Variants in CPT1C observed in about 807,000 individuals in gnomAD.
CPT1C encodes carnitine palmitoyltransferase 1C.
A neutral mutation model predicts 97.3 loss-of-function variants in CPT1C; 61 were observed. That is an observed-to-expected ratio of 0.63 (90% confidence interval 0.51 to 0.78). The LOEUF is 0.78. Ranked by LOEUF, CPT1C falls within the 30% of genes least tolerant of loss-of-function variation. The pLI, the probability that CPT1C is intolerant of heterozygous loss-of-function variation, is 0.00. For missense variants in CPT1C, 975 were observed against 1,065.5 expected, an observed-to-expected ratio of 0.92 and a Z score of 1.18; for synonymous variants, 469 against 447.2, an observed-to-expected ratio of 1.05 and a Z score of -0.61.
At chr19:49,696,341 A>T (rs927330305) in intron 3 of CPT1C, 3 of 152,196 alleles carry the variant, frequency 2.0e-5, no homozygotes, top group Admixed American at 6.6e-5. Flanking sequence ...TTTAGTTAGT[A>T]ACGCAGTGCT....
intron 14 of CPT1C, among the ~76,000 whole-genome samples, chr19:49,709,359 C>T (rs1378726641): frequency 6.6e-6 from 1 of 151,880 alleles, no homozygotes; most frequent in Non-Finnish European, 1.5e-5. Flanking sequence ...CACACCAACC[C>T]CATCCCGTAC....
At chr19:49,701,660 C>A (rs529044803) in intron 7 of CPT1C, 26 bp downstream of exon 7, 9 of 1,579,200 alleles carry the variant, frequency 5.7e-6, no homozygotes, top group African/African-American at 2.7e-5. Context: ...GCCACCAACG[C>A]CCCACCTGAA....
In CPT1C at chr19:49,712,725, C is replaced by CCTGTCCTCAGGTCCATTCGGAG. The variant is rs2083984706; in HGVS notation, c.2020-9_2032dup. The CCTGTCCTCAGGTCCATTCGGAG allele has an allele frequency of 6.2e-7, 1 of 1,601,710 alleles. No individual in the cohort carries two copies. The highest frequency in any genetic ancestry group is 8.6e-7 in the Non-Finnish European group (1 of 1,168,818). Reference sequence around the variant, plus strand: ...CTCTGTCCTGCACATGTGATGGGCTCCTGTCCTCAGGTCCATTCGGAGCAG... The same window carrying CCTGTCCTCAGGTCCATTCGGAG: ...CTCTGTCCTGCACATGTGATGGGCTCCTGTCCTCAGGTCCATTCGGAGCTGTCCTCAGGTCCATTCGGAGCAG... On this transcript the variant is annotated splice_polypyrimidine_tract_variant and intron_variant, in intron 17 of 19. Coordinates refer to ENST00000598293, the MANE Select transcript of CPT1C (RefSeq NM_001199753.2).
Position 49,712,820 on chromosome 19 carries a change from T to G in CPT1C, c.2104T>G (p.Tyr702Asp). 2 of 1,612,356 alleles carry G rather than the reference T, an allele frequency of 1.2e-6. No individual in the cohort carries two copies. Among genetic ancestry groups the G allele is most frequent in the Non-Finnish European group, 1.7e-6 (2 of 1,179,716 alleles). Residue 702 changes from tyrosine to aspartate, a missense_variant, in exon 18 of 20, where the codon TAT becomes GAT. Around this residue, in one of 3 missense-constraint regions of CPT1C, gnomAD observed 344 missense variants for 395.7 expected, o/e 0.87. Transcript: ENST00000598293. ...GTTTGACGTCCACAATTACCCGGAC[T>G]ATGTTTCCTCAGGCGGTGGATTCGG... ...HLFDVHNYPD[Y>D]VSSGGGFGPA...
Position 49,702,055 on chromosome 19 carries a change from A to AATAT in CPT1C, c.693+426_693+429dup, listed in dbSNP as rs1555779157. Among the ~76,000 whole-genome samples the AATAT allele has an allele frequency of 4.7e-5, 5 of 106,248 alleles. 2 individuals are homozygous for AATAT. The highest frequency in any genetic ancestry group is 1.2e-4 in the African/African-American group (3 of 24,414). 69.7% of individuals were successfully genotyped at this position (106,248 alleles called of 152,430 possible). On this transcript the variant is annotated intron_variant, in intron 7 of 19. Transcript: ENST00000598293. ...AATATATATTTATTTATAAATTATA[A>AATAT]ATATATATTTATTTATAAATTATAA...
chr19:49,702,712 A>G (rs2083253173), intron 7 of CPT1C, among the ~76,000 whole-genome samples: 1 of 150,652 alleles, frequency 6.6e-6, no homozygotes, highest in South Asian at 2.1e-4. Flanking sequence ...CAGACTGAGG[A>G]TCCTGGACTC....
At chr19:49,695,278 A>ATT (rs947374904) in intron 3 of CPT1C, among the ~76,000 whole-genome samples, 1,894 of 127,474 alleles carry the variant, frequency 0.015, 21 homozygotes, top group Non-Finnish European at 0.023. Flanking sequence ...AAAATGCACA[A>ATT]TTTTTTTTTT....
intron 13 of CPT1C, among the ~76,000 whole-genome samples, chr19:49,708,121 G>A (rs539761216): frequency 5.3e-5 from 8 of 151,888 alleles, no homozygotes; most frequent in African/African-American, 1.9e-4. Flanking sequence ...CCTTTGATGA[G>A]TTGGTAACTG....
intron 12 of CPT1C, among the ~76,000 whole-genome samples, chr19:49,707,304 A>C (rs1421492896): frequency 6.6e-6 from 1 of 152,010 alleles, no homozygotes; most frequent in Admixed American, 6.6e-5. Flanking sequence ...CAAACAAACA[A>C]AAAAACAATC....
rs1445360733 is a variant in CPT1C at position 49,713,560 on chromosome 19, C to T, written c.2367C>T (p.Arg789=). The T allele has an allele frequency of 6.2e-7, 1 of 1,613,940 alleles. No individual in the cohort carries two copies. Among genetic ancestry groups the T allele is most frequent in the Non-Finnish European group, 8.5e-7 (1 of 1,179,900 alleles). The change falls in exon 20 of 20, where the codon CGC becomes CGT. Residue 789 remains arginine, a synonymous_variant. Coordinates refer to ENST00000598293, the MANE Select transcript of CPT1C (RefSeq NM_001199753.2). ...NSRHRCGFLS[R]QTGASKASMT... ...GGCACAGGTGTGGATTTCTCTCCCGCCAGACTGGGGCCTCCAAGGCCTCAA... is the reference window on the plus strand; with the variant it reads ...GGCACAGGTGTGGATTTCTCTCCCGTCAGACTGGGGCCTCCAAGGCCTCAA...
chr19:49,698,707 A>G (rs1441745961), intron 4 of CPT1C, among the ~76,000 whole-genome samples: 2 of 151,672 alleles, frequency 1.3e-5, no homozygotes, highest in Non-Finnish European at 1.5e-5. Context: ...CTAGTCATGT[A>G]GTCTTAGGCA....
At chr19:49,700,626 G>A (rs2082957423) in intron 4 of CPT1C, 58 bp from the exon 5 acceptor site, 2 of 1,569,510 alleles carry the variant, frequency 1.3e-6, no homozygotes, top group East Asian at 2.2e-5. Flanking sequence ...GGGGCTGGAA[G>A]GGAGGGAGGT....
Position 49,706,174 on chromosome 19 carries a change from G to C in CPT1C, c.1161-57G>C. Reference sequence around the variant, plus strand: ...GTGTCCTGAGACTGTGGAAGGGCAGGGTGGGGCCAGGTGGCGGCTGGGCAG... The same window carrying C: ...GTGTCCTGAGACTGTGGAAGGGCAGCGTGGGGCCAGGTGGCGGCTGGGCAG... On this transcript the variant is annotated intron_variant, in intron 11 of 19. Transcript: ENST00000598293. The surrounding 1 kb of genome is among the most constrained non-coding windows in gnomAD (Gnocchi z 4.8). 6.5e-7 allele frequency: 1 copy of C among 1,549,516 alleles called. No homozygotes were observed. Among genetic ancestry groups the C allele is most frequent in the Non-Finnish European group, 8.7e-7 (1 of 1,147,812 alleles).
chr19:49,703,070 TACACAC>T (rs72113209), intron 7 of CPT1C, among the ~76,000 whole-genome samples: 2,381 of 144,250 alleles, frequency 0.017, 60 homozygotes, highest in African/African-American at 0.051. Flanking sequence ...AGATTCTGTT[TACACAC>T]ACACACACAC....
intron 14 of CPT1C, among the ~76,000 whole-genome samples, chr19:49,709,162 A>G (rs2083690298): frequency 6.6e-6 from 1 of 150,504 alleles, no homozygotes; most frequent in Admixed American, 6.7e-5. Flanking sequence ...TTCCTTCCAA[A>G]TCCATCTCCA....
At chr19:49,692,873 A>G (rs1054785654) in intron 3 of CPT1C, among the ~76,000 whole-genome samples, 6 of 151,886 alleles carry the variant, frequency 4.0e-5, no homozygotes, top group Non-Finnish European at 7.4e-5. Context: ...TTATTGGCGC[A>G]CGCCACCATG....
rs781715551 is a variant in CPT1C at position 49,710,411 on chromosome 19, A to G, written c.1658A>G (p.Lys553Arg). ...CHVVPFSLFGKSFIRRCHLSS... is the reference protein window; with the variant it reads ...CHVVPFSLFGRSFIRRCHLSS... ...GTCGTTCCATTCTCCCTATTTGGCA[A>G]GAGCTTCATCCGACGCTGCCACCTC... Residue 553 changes from lysine to arginine, a missense_variant, in exon 15 of 20, where the codon AAG becomes AGG. Lys to Arg is a conservative substitution (Grantham distance 26). Around this residue, in one of 3 missense-constraint regions of CPT1C, gnomAD observed 344 missense variants for 395.7 expected, o/e 0.87. Transcript: ENST00000598293. 9 of 1,613,970 alleles carry G rather than the reference A, an allele frequency of 5.6e-6. 1 individual carries two copies. In the South Asian group the frequency reaches 9.9e-5, roughly 18 times the overall value.
At chr19:49,693,726 C>G (rs1280381899) in intron 3 of CPT1C, among the ~76,000 whole-genome samples, 1 of 151,784 alleles carries the variant, frequency 6.6e-6, no homozygotes, top group East Asian at 1.9e-4. Context: ...GACTTGGACA[C>G]CAGCCTGGAC....
At chr19:49,700,646 A>C in intron 4 of CPT1C, 38 bp from the exon 5 acceptor site, 1 of 1,594,396 alleles carries the variant, frequency 6.3e-7, no homozygotes, top group Non-Finnish European at 8.5e-7. Context: ...TTCTGAGGCC[A>C]GGAGACCCAG....
Sources: gnomAD v4.1 joint callset for allele counts (sites outside exome capture counted in the v4.1 genomes callset) on GRCh38, gnomAD v4.1.1 for gene constraint, gnomAD v4.1.1 regional missense constraint, Gnocchi (gnomAD v3.1) non-coding constraint, MANE v1.5 for transcripts, NCBI Gene and HGNC (gene_info 2026-07-23, HGNC 2026-07-21) for gene names.